The following DYNC1I1 variants were observed in gnomAD, a reference collection of about 807,000 sequenced individuals.
The protein encoded by DYNC1I1 is dynein cytoplasmic 1 intermediate chain 1.
In DYNC1I1, 43 loss-of-function variants were observed where a neutral mutation model predicts 86.6. The observed-to-expected ratio is 0.50, with a 90% CI of 0.39 to 0.64. DYNC1I1 has a LOEUF of 0.64. DYNC1I1 is among the 30% of genes least tolerant of loss of function. The pLI is 0.00. For missense variants in DYNC1I1, 604 were observed against 788.8 expected, an observed-to-expected ratio of 0.77 and a Z score of 2.81; for synonymous variants, 262 against 283.7, an observed-to-expected ratio of 0.92 and a Z score of 0.77.
chr7:95,792,292 G>A (rs1244731157), intron 1 of DYNC1I1, among the ~76,000 whole-genome samples: 1 of 152,126 alleles, frequency 6.6e-6, no homozygotes, highest in Non-Finnish European at 1.5e-5. Flanking sequence ...TTTAGACATG[G>A]TACCCCAAAA....
intron 6 of DYNC1I1, among the ~76,000 whole-genome samples, chr7:95,906,390 T>A (rs1359111825): frequency 6.6e-6 from 1 of 152,206 alleles, no homozygotes; most frequent in African/African-American, 2.4e-5. Context: ...AGGGTCTCAA[T>A]CACTTGTCAC....
intron 6 of DYNC1I1, among the ~76,000 whole-genome samples, chr7:95,934,791 T>G (rs1791994178): frequency 6.6e-6 from 1 of 152,064 alleles, no homozygotes; most frequent in Non-Finnish European, 1.5e-5. Context: ...CACTTGAGAC[T>G]GCAAATCCTT....
intron 10 of DYNC1I1, among the ~76,000 whole-genome samples, chr7:96,017,629 T>C (rs1562972867): frequency 6.6e-6 from 1 of 152,162 alleles, no homozygotes; most frequent in Non-Finnish European, 1.5e-5. Context: ...ATCATGTGAG[T>C]TCAGAAGAAT....
intron 16 of DYNC1I1, among the ~76,000 whole-genome samples, chr7:96,093,758 T>G (rs1790916976): frequency 6.6e-6 from 1 of 152,132 alleles, no homozygotes; most frequent in Non-Finnish European, 1.5e-5. Context: ...CTGGGAAATT[T>G]TTGAAGTTTT....
At chr7:96,100,650 T>TTGAGTGTGTGTG (rs1791120055), downstream of DYNC1I1, among the ~76,000 whole-genome samples, 1 of 142,848 alleles carries the variant, frequency 7.0e-6, no homozygotes, top group African/African-American at 2.6e-5. Context: ...TTTGAGGGTT[T>TTGAGTGTGTGTG]TGTGTGTGTG....
At chr7:96,037,298 A>G (rs1794948150) in intron 13 of DYNC1I1, among the ~76,000 whole-genome samples, 1 of 152,214 alleles carries the variant, frequency 6.6e-6, no homozygotes, top group Non-Finnish European at 1.5e-5. Context: ...TATTTGATAA[A>G]GTTATTCATT....
chr7:95,876,344 C>G (rs1289548856), intron 6 of DYNC1I1, among the ~76,000 whole-genome samples: 1 of 152,080 alleles, frequency 6.6e-6, no homozygotes, highest in African/African-American at 2.4e-5. Context: ...CTGTTCTGGA[C>G]AGAAGGAGTG....
chr7:96,081,334 A>G (rs1359945088), intron 16 of DYNC1I1, among the ~76,000 whole-genome samples: 1 of 151,896 alleles, frequency 6.6e-6, no homozygotes, highest in Non-Finnish European at 1.5e-5. Context: ...AAAAAGGAAA[A>G]AAAAAAACAA....
intron 5 of DYNC1I1, among the ~76,000 whole-genome samples, chr7:95,867,730 T>G (rs968633408): frequency 1.4e-4 from 22 of 152,152 alleles, no homozygotes; most frequent in Non-Finnish European, 2.9e-5. Flanking sequence ...GTTGAGGGTT[T>G]AGGGTGATCT....
chr7:95,846,666 T>TGTGTGTGTGTGA (rs1400288683), intron 5 of DYNC1I1, among the ~76,000 whole-genome samples: 20 of 150,648 alleles, frequency 1.3e-4, no homozygotes, highest in Non-Finnish European at 2.5e-4. Context: ...TGTGTGTGTG[T>TGTGTGTGTGTGA]GACGAAGGGG....
chr7:95,987,994 A>C (rs918277419), intron 9 of DYNC1I1, among the ~76,000 whole-genome samples: 2 of 152,096 alleles, frequency 1.3e-5, no homozygotes, highest in African/African-American at 4.8e-5. Context: ...ACTATTCTTA[A>C]CCTTCAAACT....
At chr7:96,070,246 G>T (rs1048684498) in intron 14 of DYNC1I1, among the ~76,000 whole-genome samples, 3 of 152,028 alleles carry the variant, frequency 2.0e-5, no homozygotes, top group Admixed American at 6.6e-5. Context: ...TTGGTTTTTT[G>T]GTTTGGTTTG....
In DYNC1I1 at chr7:95,956,825, T is replaced by C. The variant is rs558189434; in HGVS notation, c.491-20687T>C. Among the ~76,000 whole-genome samples, 27 of 152,180 alleles carry C rather than the reference T, an allele frequency of 1.8e-4. 1 individual carries two copies. Among genetic ancestry groups the C allele is most frequent in the Non-Finnish European group, 3.7e-4 (25 of 68,032 alleles). On this transcript the variant is annotated intron_variant, in intron 6 of 16. Transcript: ENST00000447467. ...GGTTCCAAGTCTTTGCTATTGTGAG[T>C]GGTGCTGCAATAAACACACGTGTGC...
chr7:96,045,862 G>GA (rs1562984094), intron 14 of DYNC1I1, among the ~76,000 whole-genome samples: 1 of 152,146 alleles, frequency 6.6e-6, no homozygotes, highest in Non-Finnish European at 1.5e-5. Flanking sequence ...GAGATTTCTA[G>GA]AAAATGCTCT....
intron 5 of DYNC1I1, among the ~76,000 whole-genome samples, chr7:95,868,474 G>T (rs558314785): frequency 1.3e-5 from 2 of 152,090 alleles, no homozygotes; most frequent in South Asian, 4.2e-4. Context: ...TAACAATTAA[G>T]GACAATAATA....
intron 9 of DYNC1I1, among the ~76,000 whole-genome samples, chr7:95,992,357 G>T (rs369361571): frequency 3.0e-4 from 46 of 152,244 alleles, no homozygotes; most frequent in African/African-American, 1.0e-3. Flanking sequence ...ATTTATAGGG[G>T]ACACTTGAGG....
intron 7 of DYNC1I1, among the ~76,000 whole-genome samples, chr7:95,979,538 C>T (rs907027869): frequency 6.6e-6 from 1 of 152,100 alleles, no homozygotes; most frequent in African/African-American, 2.4e-5. Context: ...CTCAGCTTTG[C>T]CATAGCCCAT....
intron 6 of DYNC1I1, among the ~76,000 whole-genome samples, chr7:95,970,131 T>G (rs1365577500): frequency 2.6e-5 from 4 of 152,146 alleles, no homozygotes; most frequent in Admixed American, 1.3e-4. Flanking sequence ...GGTCCAAGGA[T>G]AGGGTGGCTT....
intron 1 of DYNC1I1, among the ~76,000 whole-genome samples, chr7:95,797,187 A>G (rs1794459851): frequency 6.6e-6 from 1 of 152,164 alleles, no homozygotes; most frequent in Non-Finnish European, 1.5e-5. Context: ...ACATTTGTAC[A>G]GTAATTTGAA....
Sources: allele counts gnomAD v4.1 joint callset (sites outside exome capture counted in the v4.1 genomes callset), GRCh38; gene constraint gnomAD v4.1.1; transcripts MANE v1.5; gene names NCBI Gene and HGNC (gene_info 2026-07-23, HGNC 2026-07-21).